EXOC2: variants seen among roughly 807,000 people sequenced by gnomAD.
EXOC2 encodes the protein SEC5-like 1.
EXOC2 carries 70 observed loss-of-function variants against 131.8 expected under a neutral mutation model. The ratio of observed to expected loss-of-function variants is 0.53; its 90% CI spans 0.44 to 0.65. EXOC2 has a LOEUF of 0.65. Ranked by LOEUF, EXOC2 falls within the 30% of genes least tolerant of loss-of-function variation. The pLI, the probability that EXOC2 is intolerant of heterozygous loss-of-function variation, is 0.00. For missense variants in EXOC2, 923 were observed against 1,108.6 expected, an observed-to-expected ratio of 0.83 and a Z score of 2.38; for synonymous variants, 411 against 398.4, an observed-to-expected ratio of 1.03 and a Z score of -0.38.
At chr6:498,833 G>A (rs1436845728) in intron 24 of EXOC2, among the ~76,000 whole-genome samples, 1 of 152,176 alleles carries the variant, frequency 6.6e-6, no homozygotes, top group Non-Finnish European at 1.5e-5. Context: ...GGGCAACGGT[G>A]GAAACGACTG....
At chr6:509,153 T>A (rs918321463) in intron 23 of EXOC2, among the ~76,000 whole-genome samples, 6 of 152,260 alleles carry the variant, frequency 3.9e-5, no homozygotes, top group Non-Finnish European at 7.3e-5. Flanking sequence ...ATCTACCTTA[T>A]AATTTTTGAT....
intron 11 of EXOC2, among the ~76,000 whole-genome samples, chr6:582,548 C>T (rs1261684449): frequency 2.6e-5 from 4 of 150,962 alleles, no homozygotes; most frequent in Non-Finnish European, 5.9e-5. Context: ...CAAACACGGG[C>T]CGGGAGCCTC....
intron 22 of EXOC2, among the ~76,000 whole-genome samples, chr6:533,499 C>T (rs539821271): frequency 1.3e-5 from 2 of 152,208 alleles, no homozygotes; most frequent in East Asian, 3.9e-4. Context: ...GGCAACTCCA[C>T]AGGGAGGCCA....
chr6:524,421 C>A (rs1218808589), intron 23 of EXOC2: 1 of 152,162 alleles, frequency 6.6e-6, no homozygotes, highest in Non-Finnish European at 1.5e-5. Flanking sequence ...AGAAGCCCTA[C>A]TTAGTCATAA....
At chr6:669,843 A>C (rs532120957) in intron 1 of EXOC2, 78 of 152,326 alleles carry the variant, frequency 5.1e-4, no homozygotes, top group African/African-American at 1.8e-3. Context: ...GGAGTCAGGG[A>C]GTGGCTGGAT....
chr6:516,377 A>G lies in EXOC2; in HGVS notation c.2380+16092T>C, dbSNP rs145397232. Among the ~76,000 whole-genome samples the G allele has an allele frequency of 9.2e-5, 14 of 152,288 alleles. No individual in the cohort carries two copies. The East Asian group carries it at 2.7e-3, about 29-fold the overall frequency. On this transcript the variant is annotated intron_variant, in intron 23 of 27. Coordinates refer to ENST00000230449, the MANE Select transcript of EXOC2 (RefSeq NM_018303.6). Reference sequence around the variant, plus strand: ...CTGCAGCGCTCGTTGTCAGCTTTCAATGTTCCCACGCACAGAGCTAGCTCG... The same window carrying G: ...CTGCAGCGCTCGTTGTCAGCTTTCAGTGTTCCCACGCACAGAGCTAGCTCG...
chr6:581,172 T>C (rs576769975), intron 11 of EXOC2, among the ~76,000 whole-genome samples: 49 of 152,088 alleles, frequency 3.2e-4, no homozygotes, highest in African/African-American at 1.2e-3. Context: ...GGCACATGCC[T>C]GTAGTCCCAG....
intron 2 of EXOC2, among the ~76,000 whole-genome samples, chr6:637,060 G>A (rs74850376): frequency 0.042 from 6,448 of 152,254 alleles, 299 homozygotes; most frequent in South Asian, 0.16. Flanking sequence ...AGGCTACCAT[G>A]CAAGCCAACA....
At chr6:682,252 T>C (rs1336430325) in intron 1 of EXOC2, among the ~76,000 whole-genome samples, 1 of 150,000 alleles carries the variant, frequency 6.7e-6, no homozygotes, top group Non-Finnish European at 1.5e-5. Context: ...CATGCTGGAG[T>C]GCAGTGGCAG....
At chr6:546,163 C>T (rs922864155) in intron 22 of EXOC2, among the ~76,000 whole-genome samples, 14 of 150,430 alleles carry the variant, frequency 9.3e-5, no homozygotes, top group Admixed American at 5.3e-4. Flanking sequence ...TTAAGAATAA[C>T]GGTTGGATCT....
In EXOC2 at chr6:541,451, C is replaced by T. The variant is rs375342273; in HGVS notation, c.2238+7724G>A. On this transcript the variant is annotated intron_variant, in intron 22 of 27. Coordinates refer to ENST00000230449, the MANE Select transcript of EXOC2 (RefSeq NM_018303.6). ...ACTGCAAGAGAAAGCAAGGATATAA[C>T]GAGAGAGCACTACTAAAGTCAAAAG... 2.0e-5 allele frequency among the ~76,000 whole-genome samples: 3 copies of T among 152,124 alleles called. No individual in the cohort carries two copies. In the East Asian group the frequency reaches 5.8e-4, roughly 29 times the overall value.
chr6:656,801 G>A, intron 1 of EXOC2: 5 of 1,605,526 alleles, frequency 3.1e-6, no homozygotes, highest in Non-Finnish European at 4.3e-6. Context: ...CCTCGTGGAG[G>A]CCGCCGGAAC....
chr6:687,845 A>G (rs1365475172), intron 1 of EXOC2, among the ~76,000 whole-genome samples: 1 of 152,222 alleles, frequency 6.6e-6, no homozygotes. Flanking sequence ...GAAAGTGAAA[A>G]AGAGAGGAAT....
At chr6:490,436 C>T (rs747421173) in intron 26 of EXOC2, among the ~76,000 whole-genome samples, 2 of 152,006 alleles carry the variant, frequency 1.3e-5, no homozygotes, top group Admixed American at 6.5e-5. Context: ...CTGTGACCGA[C>T]GGGAATGAAA....
At chr6:511,987 T>C (rs1764874631) in intron 23 of EXOC2, among the ~76,000 whole-genome samples, 1 of 152,264 alleles carries the variant, frequency 6.6e-6, no homozygotes, top group Admixed American at 6.5e-5. Flanking sequence ...CTCTTCCTGG[T>C]ATCTTTATCG....
intron 3 of EXOC2, among the ~76,000 whole-genome samples, chr6:631,809 T>C (rs1227419071): frequency 1.3e-5 from 2 of 152,208 alleles, no homozygotes. Flanking sequence ...TATATATGTA[T>C]ATATGTACAC....
chr6:548,939 T>G (rs982500754), intron 22 of EXOC2, among the ~76,000 whole-genome samples: 1 of 152,154 alleles, frequency 6.6e-6, no homozygotes, highest in Non-Finnish European at 1.5e-5. Flanking sequence ...GCTGTAACCT[T>G]GAGGGAGCTC....
chr6:642,556 G>A (rs983495891), intron 1 of EXOC2, among the ~76,000 whole-genome samples: 3 of 152,036 alleles, frequency 2.0e-5, no homozygotes, highest in African/African-American at 7.3e-5. Flanking sequence ...AACCGAAATG[G>A]ACCCCAAGAT....
In EXOC2 at chr6:610,138, T is replaced by C; in HGVS notation, c.702A>G (p.Val234=). The C allele has an allele frequency of 1.2e-6, 2 of 1,614,144 alleles. No homozygotes were observed. The highest frequency in any genetic ancestry group is 1.7e-6 in the Non-Finnish European group (2 of 1,180,008). ...QKLEADGTEK[V]EGSMTQKLEN... is the part of the protein sequence containing the mutation. ...CCAGTTTCTGCGTCATGGATCCTTC[T>C]ACTTTTTCCGTTCCATCTGCTTCTA... The change falls in exon 7 of 28, where the codon GTA becomes GTG. Residue 234 remains valine (V), a synonymous_variant. Coordinates refer to ENST00000230449, the MANE Select transcript of EXOC2 (RefSeq NM_018303.6).
Sources: gnomAD v4.1 joint callset for allele counts (sites outside exome capture counted in the v4.1 genomes callset) on GRCh38, gnomAD v4.1.1 for gene constraint, MANE v1.5 for transcripts, NCBI Gene and HGNC (gene_info 2026-07-23, HGNC 2026-07-21) for gene names.